The following EPHB1 variants were observed in gnomAD, a reference collection of about 807,000 sequenced individuals.
EPHB1 encodes EPH receptor B1, also known as ephrin type-B receptor 1.
In EPHB1, 30 loss-of-function variants were observed where a neutral mutation model predicts 94.4. The observed-to-expected ratio is 0.32, with a 90% CI of 0.24 to 0.43. The LOEUF is 0.43. Ranked by LOEUF, EPHB1 falls within the 20% of genes least tolerant of loss-of-function variation. The pLI is 1.00. For missense variants in EPHB1, 1,055 were observed against 1,308.3 expected, an observed-to-expected ratio of 0.81 and a Z score of 2.99; for synonymous variants, 522 against 489.1, an observed-to-expected ratio of 1.07 and a Z score of -0.89.
At position 134,951,292 on chromosome 3, in the gene EPHB1, C is replaced by T. The variant is rs1165755244; in HGVS notation, c.124-79C>T. On this transcript the variant is annotated intron_variant, in intron 2 of 15. Coordinates refer to ENST00000398015, the MANE Select transcript of EPHB1 (RefSeq NM_004441.5). This position sits in a 1 kb window ranked among gnomAD's most constrained non-coding sequence, Gnocchi z 4.5. ...AAGGCCCCTTAGCCCCAGGATTCTC[C>T]TCTGCTATGCCTATTTTTGTATTCT... 4 of 1,352,124 alleles carry T rather than the reference C, an allele frequency of 3.0e-6. No homozygotes were observed. The African/African-American group carries it at 5.9e-5, about 20-fold the overall frequency. The allele number at this position is 1,352,124 out of a possible 1,614,324, so 83.8% of individuals were successfully genotyped here. A position where few individuals can be genotyped will look rare whatever the true frequency, so the allele number is the denominator to read the frequency against.
intron 3 of EPHB1, among the ~76,000 whole-genome samples, chr3:135,019,979 A>G (rs903725693): frequency 1.3e-5 from 2 of 152,236 alleles, no homozygotes; most frequent in African/African-American, 4.8e-5. Flanking sequence ...TGGTCTCCAG[A>G]TGCAGGCTTT....
intron 1 of EPHB1, among the ~76,000 whole-genome samples, chr3:134,809,545 C>T (rs186065160): frequency 1.7e-3 from 256 of 152,272 alleles, no homozygotes; most frequent in Non-Finnish European, 2.6e-3. Flanking sequence ...TTTGGCAATT[C>T]ATTTGCATTT....
At chr3:135,254,923 C>T (rs1167492489) in intron 15 of EPHB1, among the ~76,000 whole-genome samples, 1 of 152,214 alleles carries the variant, frequency 6.6e-6, no homozygotes, top group African/African-American at 2.4e-5. Context: ...AGAGATTCAA[C>T]TTCTTCCTGG....
chr3:135,192,531 A>G (rs1324539992), intron 10 of EPHB1, 45 bp from the exon 11 acceptor site: 1 of 1,599,186 alleles, frequency 6.3e-7, no homozygotes, highest in East Asian at 2.2e-5. Flanking sequence ...TTGAGTCCAC[A>G]GACTGAGAAG....
At chr3:134,954,181 C>T (rs1933147540) in intron 3 of EPHB1, among the ~76,000 whole-genome samples, 1 of 152,144 alleles carries the variant, frequency 6.6e-6, no homozygotes. Context: ...AGAGAAGGGC[C>T]CCTTGCCCTT....
intron 3 of EPHB1, among the ~76,000 whole-genome samples, chr3:135,087,746 G>A (rs963254235): frequency 3.3e-5 from 5 of 152,140 alleles, no homozygotes; most frequent in African/African-American, 4.8e-5. Flanking sequence ...CTAGGGAGCC[G>A]ACACCCACTA....
intron 3 of EPHB1, among the ~76,000 whole-genome samples, chr3:135,051,164 A>G (rs1449150492): frequency 6.6e-6 from 1 of 152,128 alleles, no homozygotes; most frequent in Non-Finnish European, 1.5e-5. Context: ...GGTAGTAGCT[A>G]ATAGAATAAT....
At chr3:134,867,208 C>T (rs932612060) in intron 1 of EPHB1, among the ~76,000 whole-genome samples, 1 of 152,192 alleles carries the variant, frequency 6.6e-6, no homozygotes, top group East Asian at 1.9e-4. Context: ...AATTCAGTTA[C>T]AGTTGATTCT....
chr3:134,811,292 G>A (rs1485444800), intron 1 of EPHB1, among the ~76,000 whole-genome samples: 1 of 117,714 alleles, frequency 8.5e-6, no homozygotes, highest in Non-Finnish European at 1.8e-5. Context: ...AGGCTGGAGT[G>A]CAATGGTGCG....
In EPHB1 at chr3:135,053,027, G is replaced by GTA. The variant is rs1243029809; in HGVS notation, c.806-53394_806-53393dup. On this transcript the variant is annotated intron_variant, in intron 3 of 15. Transcript: ENST00000398015. ...TGTGTATATATATGTGTGTGTGTGT[G>GTA]TATATATATATATATATATATATAT... 1.3e-3 allele frequency among the ~76,000 whole-genome samples: 142 copies of GTA among 110,456 alleles called. 5 individuals carry two copies. The highest frequency in any genetic ancestry group is 6.2e-3 in the South Asian group (21 of 3,394). The allele number at this position is 110,456 out of a possible 152,430, so 72.5% of individuals were successfully genotyped here.
chr3:134,833,433 G>A (rs1446832453), intron 1 of EPHB1, among the ~76,000 whole-genome samples: 5 of 152,224 alleles, frequency 3.3e-5, no homozygotes, highest in Non-Finnish European at 7.3e-5. Flanking sequence ...TGGAAACAAT[G>A]TACTAAAGGG....
chr3:134,851,689 GGA>G (rs2036987538), intron 1 of EPHB1, among the ~76,000 whole-genome samples: 1 of 152,282 alleles, frequency 6.6e-6, no homozygotes, highest in East Asian at 1.9e-4. Context: ...GCCTGACAAA[GGA>G]GAGTTTTTTC....
intron 3 of EPHB1, among the ~76,000 whole-genome samples, chr3:135,017,687 T>C (rs1451547715): frequency 6.6e-6 from 1 of 152,172 alleles, no homozygotes; most frequent in African/African-American, 2.4e-5. Context: ...GGGACTGGCC[T>C]TCTCTGTGTT....
chr3:135,241,147 G>A lies in EPHB1; in HGVS notation c.2347-1G>A. 8.7e-6 allele frequency: 14 copies of A among 1,614,218 alleles called. No individual in the cohort carries two copies. Among genetic ancestry groups the A allele is most frequent in the Non-Finnish European group, 1.2e-5 (14 of 1,180,036 alleles). On this transcript the variant is annotated splice_acceptor_variant, in intron 12 of 15. Transcript: ENST00000398015. LOFTEE classifies it high-confidence loss of function. ...CTGACCACGGTTTCTCCTTCTTTCA[G>A]GGAGGGAAGATCCCTGTGAGATGGA...
chr3:135,188,524 C>T (rs913847903), intron 10 of EPHB1, among the ~76,000 whole-genome samples: 1 of 152,102 alleles, frequency 6.6e-6, no homozygotes, highest in African/African-American at 2.4e-5. Context: ...AATAAATAAC[C>T]ACCCACAAGT....
At chr3:135,196,925 A>G (rs1036104151) in intron 11 of EPHB1, among the ~76,000 whole-genome samples, 1 of 152,048 alleles carries the variant, frequency 6.6e-6, no homozygotes, top group African/African-American at 2.4e-5. Context: ...TTGATACTCA[A>G]ATTCAAGGGA....
At chr3:135,252,049 T>G (rs1332832428) in intron 15 of EPHB1, among the ~76,000 whole-genome samples, 1 of 152,044 alleles carries the variant, frequency 6.6e-6, no homozygotes, top group African/African-American at 2.4e-5. Context: ...TAAATAATAA[T>G]GCCCATCTCA....
At chr3:135,038,031 G>A (rs1436945172) in intron 3 of EPHB1, among the ~76,000 whole-genome samples, 1 of 152,176 alleles carries the variant, frequency 6.6e-6, no homozygotes, top group African/African-American at 2.4e-5. Flanking sequence ...TTATCACAGA[G>A]CTCGGGTGTG....
At chr3:134,906,851 G>A (rs891453196) in intron 1 of EPHB1, among the ~76,000 whole-genome samples, 8 of 152,206 alleles carry the variant, frequency 5.3e-5, no homozygotes, top group Admixed American at 1.3e-4. Flanking sequence ...CACCCCAGAG[G>A]TCTAGGGAGT....
Sources: allele counts gnomAD v4.1 joint callset (sites outside exome capture counted in the v4.1 genomes callset), GRCh38; gene constraint gnomAD v4.1.1; non-coding constraint Gnocchi (gnomAD v3.1); transcripts MANE v1.5; gene names NCBI Gene and HGNC (gene_info 2026-07-23, HGNC 2026-07-21).